Variants in ERC1 observed in about 807,000 individuals in gnomAD.
The protein encoded by ERC1 is RAB6 interacting protein 2.
Under a neutral mutation model 132.0 loss-of-function variants are expected in ERC1, and 56 were observed. That is an observed-to-expected ratio of 0.42 (90% CI 0.34 to 0.53). ERC1 has a LOEUF of 0.53. Ranked by LOEUF, ERC1 falls within the 20% of genes least tolerant of loss-of-function variation. The probability of loss-of-function intolerance (pLI) is 0.03; values close to 1 mark genes in which losing one functional copy is unlikely to be tolerated. For missense variants in ERC1, 1,202 were observed against 1,349.9 expected, an observed-to-expected ratio of 0.89 and a Z score of 1.72; for synonymous variants, 478 against 476.1, an observed-to-expected ratio of 1.00 and a Z score of -0.05.
chr12:1,440,083 A>G (rs953927513), intron 17 of ERC1, among the ~76,000 whole-genome samples: 1 of 152,156 alleles, frequency 6.6e-6, no homozygotes, highest in African/African-American at 2.4e-5. Context: ...TACAATGTAA[A>G]TGATCAAATC....
intron 3 of ERC1, among the ~76,000 whole-genome samples, chr12:1,099,415 C>T (rs1195825041): frequency 6.6e-6 from 1 of 151,472 alleles, no homozygotes; most frequent in African/African-American, 2.4e-5. Flanking sequence ...TTTCCCCTCC[C>T]TTTTTATGGT....
intron 17 of ERC1, among the ~76,000 whole-genome samples, chr12:1,413,536 G>A (rs746149672): frequency 1.0e-3 from 152 of 152,202 alleles, no homozygotes; most frequent in Non-Finnish European, 1.9e-3. Flanking sequence ...AGAGGTTGCA[G>A]TGAACCAAGA....
chr12:1,025,955 C>T (rs926514443), intron 1 of ERC1, among the ~76,000 whole-genome samples: 3 of 152,054 alleles, frequency 2.0e-5, no homozygotes, highest in African/African-American at 7.2e-5. Context: ...TGCCACCATG[C>T]TTGGTTAATT....
intron 15 of ERC1, among the ~76,000 whole-genome samples, chr12:1,307,131 A>C (rs1323331870): frequency 2.0e-5 from 3 of 152,186 alleles, no homozygotes; most frequent in Non-Finnish European, 4.4e-5. Flanking sequence ...GTTTCTTTGG[A>C]TTGATTGTCT....
At chr12:1,185,391 A>G (rs933245806) in intron 11 of ERC1, among the ~76,000 whole-genome samples, 1 of 151,870 alleles carries the variant, frequency 6.6e-6, no homozygotes, top group Non-Finnish European at 1.5e-5. Context: ...GTAGAGTGAA[A>G]TATTTATTTC....
At chr12:1,239,087 TTAAGTA>T (rs2075622231) in intron 13 of ERC1, among the ~76,000 whole-genome samples, 1 of 152,184 alleles carries the variant, frequency 6.6e-6, no homozygotes, top group African/African-American at 2.4e-5. Flanking sequence ...ACTCAGTTAC[TTAAGTA>T]TATTTCTGTT....
chr12:1,468,644 GAAGA>G (rs1237787797), intron 18 of ERC1, among the ~76,000 whole-genome samples: 1 of 151,646 alleles, frequency 6.6e-6, no homozygotes, highest in Admixed American at 6.6e-5. Context: ...AGGAAAGGAG[GAAGA>G]AAGAAAGGAG....
chr12:1,463,424 G>A (rs73599986), intron 18 of ERC1, among the ~76,000 whole-genome samples: 2,504 of 152,272 alleles, frequency 0.016, 62 homozygotes, highest in African/African-American at 0.058. Flanking sequence ...AAGAAAGAAA[G>A]AAGAATGGTT....
chr12:1,273,111 A>G (rs920040552), intron 14 of ERC1, among the ~76,000 whole-genome samples: 2 of 152,132 alleles, frequency 1.3e-5, no homozygotes, highest in Admixed American at 1.3e-4. Context: ...TCTTAGCATT[A>G]TTTGAAACTA....
chr12:1,240,538 G>T (rs2075724929), intron 13 of ERC1, among the ~76,000 whole-genome samples: 1 of 152,156 alleles, frequency 6.6e-6, no homozygotes, highest in Non-Finnish European at 1.5e-5. Context: ...AGTGGAGCCT[G>T]TGACTCTGGG....
chr12:1,196,868 C>T (rs570638737), intron 12 of ERC1, among the ~76,000 whole-genome samples: 2 of 146,216 alleles, frequency 1.4e-5, no homozygotes, highest in East Asian at 3.9e-4. Flanking sequence ...CACTCTCTCT[C>T]TCTCTCTCTC....
chr12:1,330,125 A>G (rs2082752057), intron 15 of ERC1, among the ~76,000 whole-genome samples: 1 of 152,244 alleles, frequency 6.6e-6, no homozygotes. Context: ...TACAGGACCA[A>G]CATTTTATTT....
chr12:1,163,061 ACT>A (rs747139161), intron 8 of ERC1, among the ~76,000 whole-genome samples: 47 of 152,250 alleles, frequency 3.1e-4, no homozygotes, highest in African/African-American at 9.4e-4. Context: ...AAGGAAATAT[ACT>A]CTGTGTAAAT....
intron 18 of ERC1, among the ~76,000 whole-genome samples, chr12:1,470,952 A>G (rs578050223): frequency 2.6e-5 from 4 of 152,310 alleles, no homozygotes; most frequent in African/African-American, 9.6e-5. Flanking sequence ...TATACAAGAG[A>G]TGGTCCCCTG....
intron 18 of ERC1, among the ~76,000 whole-genome samples, chr12:1,480,005 A>C (rs2154431062): frequency 6.6e-6 from 1 of 152,012 alleles, no homozygotes; most frequent in Admixed American, 6.5e-5. Context: ...CATTTTCTCT[A>C]CCGAAGGTGT....
chr12:1,024,161 C>T (rs962126291), intron 1 of ERC1, among the ~76,000 whole-genome samples: 8 of 152,134 alleles, frequency 5.3e-5, no homozygotes, highest in African/African-American at 7.2e-5. Context: ...CAGGCGAATC[C>T]GTTGGGCCCA....
intron 2 of ERC1, among the ~76,000 whole-genome samples, chr12:1,070,478 C>T (rs1384824371): frequency 7.3e-5 from 11 of 151,618 alleles, no homozygotes; most frequent in African/African-American, 2.7e-4. Flanking sequence ...TTTGTAGAGA[C>T]AGTGTCTGTG....
chr12:1,006,595 C>T (rs1250241494), intron 1 of ERC1, among the ~76,000 whole-genome samples: 1 of 151,854 alleles, frequency 6.6e-6, no homozygotes, highest in Non-Finnish European at 1.5e-5. Context: ...GGGGTTTTGC[C>T]GTGTTGCCCA....
chr12:1,358,276 C>G (rs1047352514), intron 15 of ERC1, among the ~76,000 whole-genome samples: 1 of 149,624 alleles, frequency 6.7e-6, no homozygotes, highest in African/African-American at 2.5e-5. Flanking sequence ...ATAGAACCAA[C>G]CCATAGAAGT....
Sources: gnomAD v4.1 joint callset for allele counts (sites outside exome capture counted in the v4.1 genomes callset) on GRCh38, gnomAD v4.1.1 for gene constraint, MANE v1.5 for transcripts, NCBI Gene and HGNC (gene_info 2026-07-23, HGNC 2026-07-21) for gene names.